Variants in ANKRD18A observed in about 807,000 individuals in gnomAD.
ANKRD18A encodes the protein ankyrin repeat domain 18A.
In ANKRD18A, 72 loss-of-function variants were observed where a neutral mutation model predicts 110.6. The ratio of observed to expected loss-of-function variants is 0.65; its 90% CI spans 0.54 to 0.79. The LOEUF (loss-of-function observed/expected upper bound fraction) is 0.79. ANKRD18A is among the 30% of genes least tolerant of loss of function. The pLI is 0.00. For missense variants in ANKRD18A, 934 were observed against 1,163.3 expected (o/e 0.80, Z 2.87); for synonymous variants, 305 against 410.3 (o/e 0.74, Z 3.10).
intron 1 of ANKRD18A, 110 bp downstream of exon 1, chr9:38,619,970 T>G: frequency 7.3e-7 from 1 of 1,365,654 alleles, no homozygotes; most frequent in Non-Finnish European, 9.8e-7. Flanking sequence ...TTGGCTCCGC[T>G]GCTCCGAGGG....
At chr9:38,591,935 A>T (rs1375789201) in intron 10 of ANKRD18A, among the ~76,000 whole-genome samples, 3 of 152,238 alleles carry the variant, frequency 2.0e-5, no homozygotes, top group Non-Finnish European at 4.4e-5. Flanking sequence ...TGCCTTCACG[A>T]GTACTCTGCT....
Position 38,577,062 on chromosome 9 carries a change from T to G in ANKRD18A, c.2732A>C (p.Lys911Thr). Residue 911 changes from lysine (K) to threonine (T), a missense_variant, in exon 14 of 16, where the codon AAA (lysine) becomes ACA (threonine). Physicochemically the swap from Lys to Thr is moderately conservative, Grantham distance 78. Transcript: ENST00000399703. ...GTATGTTTTGACTTACTTCATTAATTTTTTTGACATGGAATTGTTAGCTTT... is the reference window on the plus strand; with the variant it reads ...GTATGTTTTGACTTACTTCATTAATGTTTTTGACATGGAATTGTTAGCTTT... ...AVKANNSMSK[K>T]LMKSDKKIAV... The G allele has an allele frequency of 6.5e-7, 1 of 1,545,736 alleles. No individual in the cohort carries two copies. Among genetic ancestry groups the G allele is most frequent in the Non-Finnish European group, 8.7e-7 (1 of 1,145,540 alleles).
At chr9:38,579,739 T>C (rs1481004274) in intron 12 of ANKRD18A, among the ~76,000 whole-genome samples, 2 of 152,156 alleles carry the variant, frequency 1.3e-5, no homozygotes, top group African/African-American at 4.8e-5. Flanking sequence ...GAAGGTAAAT[T>C]AGTGCAGCTA....
intron 3 of ANKRD18A, among the ~76,000 whole-genome samples, chr9:38,612,896 A>G (rs1005305869): frequency 1.3e-5 from 2 of 151,904 alleles, no homozygotes; most frequent in African/African-American, 4.8e-5. Context: ...ACTTCTCAGC[A>G]GGAATAACCT....
chr9:38,569,354 G>A (rs577929198), downstream of ANKRD18A: 8 of 985,182 alleles, frequency 8.1e-6, no homozygotes, highest in Middle Eastern at 1.0e-3. Flanking sequence ...ACCCGATAGC[G>A]ACTGTCCCCA....
At chr9:38,588,436 T>C (rs370380026) in intron 11 of ANKRD18A, 115 bp downstream of exon 11, 1 of 716,828 alleles carries the variant, frequency 1.4e-6, no homozygotes, top group African/African-American at 1.9e-5. Flanking sequence ...ACAGAATTCA[T>C]TTAATTATGA....
intron 3 of ANKRD18A, among the ~76,000 whole-genome samples, chr9:38,614,111 C>T (rs1310426914): frequency 4.6e-5 from 7 of 151,888 alleles, no homozygotes; most frequent in Non-Finnish European, 7.4e-5. Flanking sequence ...TAGCACCTAT[C>T]GAATGCCAAC....
At chr9:38,609,445 C>T (rs555686570) in intron 5 of ANKRD18A, among the ~76,000 whole-genome samples, 14 of 152,086 alleles carry the variant, frequency 9.2e-5, no homozygotes, top group Non-Finnish European at 1.6e-4. Context: ...TGCGCCACTG[C>T]ACTCCAGCCT....
At chr9:38,611,920 T>C (rs1475586847) in intron 3 of ANKRD18A, among the ~76,000 whole-genome samples, 1 of 152,182 alleles carries the variant, frequency 6.6e-6, no homozygotes, top group Non-Finnish European at 1.5e-5. Flanking sequence ...ACAATGCTTT[T>C]TGTGGCAAAC....
chr9:38,576,831 G>T (rs1471602643), intron 14 of ANKRD18A, among the ~76,000 whole-genome samples: 9 of 151,792 alleles, frequency 5.9e-5, no homozygotes, highest in Admixed American at 5.9e-4. Flanking sequence ...CTTTTCAGGG[G>T]AAAAAAGCCA....
At chr9:38,606,083 T>C (rs1256194460) in intron 6 of ANKRD18A, among the ~76,000 whole-genome samples, 1 of 152,248 alleles carries the variant, frequency 6.6e-6, no homozygotes, top group Non-Finnish European at 1.5e-5. Flanking sequence ...TAACTTCTGC[T>C]TCTTGGAAAG....
chr9:38,580,916 G>T (rs985039094), intron 12 of ANKRD18A, among the ~76,000 whole-genome samples: 17 of 152,014 alleles, frequency 1.1e-4, no homozygotes, highest in African/African-American at 4.1e-4. Context: ...AGACAGCCTG[G>T]GAGTGCCAGT....
intron 12 of ANKRD18A, among the ~76,000 whole-genome samples, chr9:38,584,749 A>G (rs1327535982): frequency 6.6e-6 from 1 of 152,210 alleles, no homozygotes; most frequent in Non-Finnish European, 1.5e-5. Flanking sequence ...TGTAAAATTA[A>G]ATGAAAAATC....
chr9:38,590,565 T>C (rs1444220526), intron 10 of ANKRD18A, among the ~76,000 whole-genome samples: 1 of 152,236 alleles, frequency 6.6e-6, no homozygotes, highest in Non-Finnish European at 1.5e-5. Context: ...TTTTCTTTTA[T>C]AATGAAAACT....
At chr9:38,612,719 G>A (rs1349554128) in intron 3 of ANKRD18A, among the ~76,000 whole-genome samples, 23 of 151,788 alleles carry the variant, frequency 1.5e-4, no homozygotes, top group African/African-American at 4.1e-4. Flanking sequence ...GGGTTTCACC[G>A]TGTTAGCCAG....
downstream of ANKRD18A, chr9:38,568,637 C>G: frequency 1.3e-6 from 1 of 781,924 alleles, no homozygotes; most frequent in Non-Finnish European, 1.5e-6. Flanking sequence ...GCAGAGGTGG[C>G]TGGTTGCTCT....
chr9:38,616,076 T>C (rs748838590), intron 1 of ANKRD18A, 32 bp from the exon 2 acceptor site: 18 of 1,479,604 alleles, frequency 1.2e-5, no homozygotes, highest in Non-Finnish European at 1.6e-5. Context: ...TCAGGAAATG[T>C]AGTGCAATAT....
chr9:38,603,006 T>C (rs1563970789), intron 7 of ANKRD18A, among the ~76,000 whole-genome samples, 153 bp downstream of exon 7: 6 of 152,170 alleles, frequency 3.9e-5, no homozygotes, highest in South Asian at 2.1e-4. Flanking sequence ...AGCTCCATCA[T>C]TTTATTTTAT....
At chr9:38,583,530 C>G (rs1277597999) in intron 12 of ANKRD18A, among the ~76,000 whole-genome samples, 1 of 152,106 alleles carries the variant, frequency 6.6e-6, no homozygotes, top group Non-Finnish European at 1.5e-5. Context: ...GCTGGGATTA[C>G]AGGCACACAC....
Sources: allele counts gnomAD v4.1 joint callset (sites outside exome capture counted in the v4.1 genomes callset), GRCh38; gene constraint gnomAD v4.1.1; transcripts MANE v1.5; gene names NCBI Gene and HGNC (gene_info 2026-07-23, HGNC 2026-07-21).